DENND2B: variants seen among roughly 807,000 people sequenced by gnomAD.
The protein encoded by DENND2B is DENN domain-containing protein 2B.
DENND2B carries 32 observed loss-of-function variants against 116.0 expected under a neutral mutation model. That is an observed-to-expected ratio of 0.28 (90% CI 0.21 to 0.37). The LOEUF is 0.37. DENND2B is among the 10% of genes least tolerant of loss of function. The pLI, the probability that DENND2B is intolerant of heterozygous loss-of-function variation, is 1.00. For synonymous variants in DENND2B, 588 were observed against 583.9 expected (o/e 1.01, Z -0.10); for missense variants, 1,276 against 1,477.7 (o/e 0.86, Z 2.24).
chr11:8,725,234 T>A (rs1028228628), intron 4 of DENND2B, among the ~76,000 whole-genome samples: 2 of 152,150 alleles, frequency 1.3e-5, no homozygotes, highest in Non-Finnish European at 2.9e-5. Flanking sequence ...AGGGCCCTTT[T>A]AAAAGAGACC....
At chr11:8,745,224 T>G (rs532166008) in intron 2 of DENND2B, among the ~76,000 whole-genome samples, 31 of 152,132 alleles carry the variant, frequency 2.0e-4, no homozygotes, top group African/African-American at 7.0e-4. Context: ...CCAGCTAATT[T>G]TTGTACTTTT....
intron 3 of DENND2B, chr11:8,839,359 A>G (rs2062544280): frequency 6.6e-6 from 1 of 152,266 alleles, no homozygotes; most frequent in Admixed American, 6.5e-5. Context: ...ATCTGTGAAA[A>G]GAGTGGAAAG....
chr11:8,910,486 C>T (rs144999961), intron 1 of DENND2B, among the ~76,000 whole-genome samples: 3,043 of 152,076 alleles, frequency 0.02, 73 homozygotes, highest in East Asian at 0.082. Flanking sequence ...CTCCGCTTCC[C>T]GGGTTCAAGC....
chr11:8,877,100 CTTTTTT>C (rs71059191), intron 2 of DENND2B, among the ~76,000 whole-genome samples: 3 of 93,072 alleles, frequency 3.2e-5, no homozygotes, highest in Middle Eastern at 8.8e-3. Flanking sequence ...CTTGAAGATA[CTTTTTT>C]TTTTTTTTTT....
intron 1 of DENND2B, among the ~76,000 whole-genome samples, chr11:8,889,600 G>A (rs914222729): frequency 6.6e-5 from 10 of 152,282 alleles, no homozygotes; most frequent in South Asian, 4.1e-4. Context: ...ATTATATCCC[G>A]CACATGGCTC....
At position 8,730,392 on chromosome 11, in the gene DENND2B, G is replaced by T. The variant is rs529731143; in HGVS notation, c.898C>A (p.Leu300Ile). ...TAGCAGCTGCTGGGGAGCTGGGGGA[G>T]CCCCCGGCCCGGCTGCTCCTTCAGG... is the stretch of plus-strand genomic sequence containing the variant. The part of the protein sequence containing the change: ...QVLKEQPGRG[L>I]PQLPSSCYSV... Residue 300 changes from leucine to isoleucine, a missense_variant, in exon 3 of 20, where the codon CTC becomes ATC. Leu to Ile is a conservative substitution (Grantham distance 5). Around this residue, in one of 2 missense-constraint regions of DENND2B, gnomAD observed 856 missense variants for 846.6 expected, o/e 1.01. Transcript: ENST00000313726. This position sits in a 1 kb window ranked among gnomAD's most constrained non-coding sequence, Gnocchi z 4.1. The T allele has an allele frequency of 1.9e-6, 3 of 1,605,346 alleles. No homozygotes were observed. In the East Asian group the frequency reaches 6.7e-5, roughly 36 times the overall value.
At chr11:8,814,267 C>CCTT (rs1555204789), upstream of DENND2B, among the ~76,000 whole-genome samples, 1 of 121,510 alleles carries the variant, frequency 8.2e-6, no homozygotes, top group Non-Finnish European at 1.6e-5. Flanking sequence ...TCTGAATCAC[C>CCTT]TTTTTTTTTT....
At chr11:8,699,826 C>G (rs1240069230) in intron 14 of DENND2B, 9 of 456,874 alleles carry the variant, frequency 2.0e-5, no homozygotes, top group Admixed American at 1.2e-4. Context: ...CCTAAAACAT[C>G]AGCAACGGAT....
At chr11:8,711,893 G>C (rs1382373247) in intron 9 of DENND2B, 2 of 413,442 alleles carry the variant, frequency 4.8e-6, no homozygotes, top group African/African-American at 4.2e-5. Context: ...ATAATAAGCA[G>C]GGTTATGTAC....
chr11:8,715,401 G>T, intron 6 of DENND2B: 1 of 593,414 alleles, frequency 1.7e-6, no homozygotes, highest in Non-Finnish European at 3.0e-6. Flanking sequence ...GAGCACCAAG[G>T]TCAGTTAATG....
chr11:8,820,526 G>A (rs751205687), intron 4 of DENND2B, among the ~76,000 whole-genome samples: 1 of 152,074 alleles, frequency 6.6e-6, no homozygotes, highest in Non-Finnish European at 1.5e-5. Flanking sequence ...TCCTAGATTA[G>A]TATTTTTTTA....
chr11:8,701,830 G>C (rs556598815), intron 14 of DENND2B, among the ~76,000 whole-genome samples: 2 of 151,556 alleles, frequency 1.3e-5, no homozygotes, highest in Admixed American at 1.3e-4. Flanking sequence ...AGACCTTCTC[G>C]ACACCTCTAC....
At chr11:8,756,360 G>C (rs1437264874) in intron 1 of DENND2B, among the ~76,000 whole-genome samples, 2 of 152,172 alleles carry the variant, frequency 1.3e-5, no homozygotes, top group Non-Finnish European at 2.9e-5. Flanking sequence ...CATCTGGGTG[G>C]CTAAGAAGAA....
At chr11:8,696,734 G>A (rs2040425803) in intron 17 of DENND2B, 68 bp from the exon 18 acceptor site, 1 of 1,581,166 alleles carries the variant, frequency 6.3e-7, no homozygotes, top group Non-Finnish European at 8.6e-7. Context: ...AATCTTCCTG[G>A]TGTAGTCTTC....
intron 11 of DENND2B, chr11:8,708,165 G>C: frequency 7.7e-7 from 1 of 1,299,892 alleles, no homozygotes; most frequent in Non-Finnish European, 9.9e-7. Context: ...TTTGGCAGAG[G>C]CTACAGGGTG....
intron 1 of DENND2B, among the ~76,000 whole-genome samples, chr11:8,782,329 TA>T (rs1248586930): frequency 4.6e-5 from 7 of 152,202 alleles, no homozygotes; most frequent in African/African-American, 1.7e-4. Flanking sequence ...CACATGTATG[TA>T]AAAGGATAAG....
chr11:8,807,134 C>A (rs111568805), intron 1 of DENND2B, among the ~76,000 whole-genome samples: 1,855 of 152,316 alleles, frequency 0.012, 19 homozygotes, highest in Middle Eastern at 0.034. Flanking sequence ...CCAGCCTCAA[C>A]TATGTGTTCC....
chr11:8,877,396 TG>T (rs1566078462), intron 2 of DENND2B: 2 of 151,438 alleles, frequency 1.3e-5, no homozygotes, highest in Non-Finnish European at 2.9e-5. Context: ...TGAGCCATCG[TG>T]CCCGGCCTTT....
chr11:8,883,698 C>A (rs924380957), intron 1 of DENND2B, among the ~76,000 whole-genome samples: 16 of 152,098 alleles, frequency 1.1e-4, no homozygotes, highest in Admixed American at 6.6e-5. Context: ...ACTTGCTGAA[C>A]AAAGAATACA....
Sources: allele counts gnomAD v4.1 joint callset (sites outside exome capture counted in the v4.1 genomes callset), GRCh38; gene constraint gnomAD v4.1.1; regional missense constraint gnomAD v4.1.1; non-coding constraint Gnocchi (gnomAD v3.1); transcripts MANE v1.5; gene names NCBI Gene and HGNC (gene_info 2026-07-23, HGNC 2026-07-21).